GLB1L3: variants seen among roughly 807,000 people sequenced by gnomAD.
GLB1L3 encodes the protein beta-galactosidase-1-like protein 3.
A neutral mutation model predicts 89.5 loss-of-function variants in GLB1L3; 89 were observed. That is an observed-to-expected ratio of 0.99 (90% CI 0.84 to 1.19). The LOEUF (loss-of-function observed/expected upper bound fraction) is 1.19. Among genes scored for constraint, GLB1L3 ranks in the 50% most tolerant of loss-of-function variants. The probability of loss-of-function intolerance (pLI) is 0.00; values close to 1 mark genes in which losing one functional copy is unlikely to be tolerated. For missense variants in GLB1L3, 812 were observed against 813.3 expected (o/e 1.00, Z 0.02); for synonymous variants, 314 against 312.3 (o/e 1.01, Z -0.06).
rs552106066 is a variant in GLB1L3 at position 134,304,819 on chromosome 11, T to G, written c.877-2305T>G. On this transcript the variant is annotated intron_variant, in intron 9 of 19. Transcript: ENST00000431683. Reference sequence around the variant, plus strand: ...CAATTTTGACCTATGCTATAGAAAGTTTTTGGTGTTCCTCCTCTAATTTCT... The same window carrying G: ...CAATTTTGACCTATGCTATAGAAAGGTTTTGGTGTTCCTCCTCTAATTTCT... Among the ~76,000 whole-genome samples the G allele has an allele frequency of 3.9e-5, 6 of 152,262 alleles. No individual in the cohort carries two copies. In the East Asian group the frequency reaches 7.7e-4, roughly 20 times the overall value.
At chr11:134,302,926 T>G (rs545483185) in intron 9 of GLB1L3, among the ~76,000 whole-genome samples, 8 of 152,336 alleles carry the variant, frequency 5.3e-5, no homozygotes, top group African/African-American at 1.9e-4. Flanking sequence ...TGTGTTAATA[T>G]TTCTATCATA....
chr11:134,277,709 G>A lies in GLB1L3; in HGVS notation c.159G>A (p.Trp53Ter), dbSNP rs77052999. 3.1e-6 allele frequency: 5 copies of A among 1,608,342 alleles called. No homozygotes were observed. In the South Asian group the frequency reaches 4.4e-5, roughly 14 times the overall value. The part of the protein sequence containing the change: ...RAHPSQPRFN[W>*]SHLTPLELKN... ...CGCCCGCCCCCTCCAGGTTTAATTG[G>A]TCTCATCTGACCCCTCTGGAGCTGA... Residue 53 changes from tryptophan (W) to a stop codon, truncating the protein, a stop_gained, in exon 3 of 20, where the codon TGG (tryptophan) becomes TGA (stop). Transcript: ENST00000431683. LOFTEE classifies it high-confidence loss of function.
chr11:134,307,053 T>G, intron 9 of GLB1L3, 71 bp from the exon 10 acceptor site: 1 of 1,043,776 alleles, frequency 9.6e-7, no homozygotes, highest in East Asian at 2.5e-5. Flanking sequence ...TCCCATCTAT[T>G]GCATTCAGGT....
intron 8 of GLB1L3, 160 bp downstream of exon 8, chr11:134,292,373 A>C: frequency 3.4e-6 from 2 of 590,672 alleles, no homozygotes; most frequent in Non-Finnish European, 6.1e-6. Context: ...ATGAGGACTC[A>C]AGGTTAAGGC....
chr11:134,282,579 G>T (rs1051398855), intron 5 of GLB1L3, among the ~76,000 whole-genome samples: 2 of 152,176 alleles, frequency 1.3e-5, no homozygotes, highest in African/African-American at 4.8e-5. Flanking sequence ...ATTTTGTGAG[G>T]GGAAGGCTTG....
chr11:134,317,315 C>T (rs151197374), intron 18 of GLB1L3, among the ~76,000 whole-genome samples: 6 of 152,224 alleles, frequency 3.9e-5, no homozygotes, highest in Admixed American at 2.0e-4. Flanking sequence ...TTAAATATAT[C>T]GGTCCATTCC....
At chr11:134,297,876 A>AAAAAAAAAAAAAAAG (rs1555077361) in intron 9 of GLB1L3, among the ~76,000 whole-genome samples, 1 of 110,836 alleles carries the variant, frequency 9.0e-6, no homozygotes, top group Non-Finnish European at 1.7e-5. Flanking sequence ...AAAAAAAAAA[A>AAAAAAAAAAAAAAAG]AAAGAAAGAA....
At position 134,318,422 on chromosome 11, in the gene GLB1L3, G is replaced by C. The variant is rs369858261; in HGVS notation, c.1780-209G>C. Among the ~76,000 whole-genome samples, 19 of 152,314 alleles carry C rather than the reference G, an allele frequency of 1.2e-4. 1 individual carries two copies. The East Asian group carries it at 3.5e-3, about 28-fold the overall frequency. ...ATATCACATAACAGGAACAATAGCAGCCTTACCATTAAAGGGTTGGTTCTA... is the reference window on the plus strand; with the variant it reads ...ATATCACATAACAGGAACAATAGCACCCTTACCATTAAAGGGTTGGTTCTA... On this transcript the variant is annotated intron_variant, in intron 18 of 19. Coordinates refer to ENST00000431683, the MANE Select transcript of GLB1L3 (RefSeq NM_001080407.3).
chr11:134,277,197 G>C (rs992517953), intron 1 of GLB1L3, 129 bp from the exon 2 acceptor site: 1 of 1,199,812 alleles, frequency 8.3e-7, no homozygotes, highest in Non-Finnish European at 1.2e-6. Context: ...CCGCCTGGAA[G>C]ACCCGCCTGT....
At chr11:134,295,933 T>A (rs536034265) in intron 9 of GLB1L3, among the ~76,000 whole-genome samples, 13 of 152,344 alleles carry the variant, frequency 8.5e-5, no homozygotes, top group Non-Finnish European at 1.5e-4. Flanking sequence ...GCTAGTATTC[T>A]GTGATTGATT....
At chr11:134,291,003 A>G (rs1210193648) in intron 7 of GLB1L3, among the ~76,000 whole-genome samples, 1 of 152,106 alleles carries the variant, frequency 6.6e-6, no homozygotes, top group East Asian at 1.9e-4. Flanking sequence ...ATTCCCCACA[A>G]AAGTCACCAG....
rs557506680 is a variant in GLB1L3 at position 134,312,463 on chromosome 11, C to T, written c.1402C>T (p.Arg468Cys). 105 of 1,613,044 alleles carry T rather than the reference C, an allele frequency of 6.5e-5. No individual in the cohort carries two copies. Among genetic ancestry groups the T allele is most frequent in the East Asian group, 6.2e-4 (28 of 44,880 alleles). ...GTCCATCTGCTCCGGAGGCCGCCTC[C>T]GTGCCCACGCTCATGACGTGGCACA... is the stretch of plus-strand genomic sequence containing the variant. ...EKSICSGGRL[R>C]AHAHDVAQVF... The change falls in exon 14 of 20, where the codon CGT becomes TGT. Residue 468 changes from arginine to cysteine, a missense_variant. Physicochemically the swap from Arg to Cys is radical, Grantham distance 180. Coordinates refer to ENST00000431683, the MANE Select transcript of GLB1L3 (RefSeq NM_001080407.3).
intron 18 of GLB1L3, 109 bp downstream of exon 18, chr11:134,314,550 C>T (rs1204483225): frequency 1.4e-6 from 1 of 728,180 alleles, no homozygotes; most frequent in East Asian, 2.7e-5. Flanking sequence ...TCTTCTTTTC[C>T]TCTTCTTCCT....
intron 7 of GLB1L3, 88 bp from the exon 8 acceptor site, chr11:134,292,044 G>A: frequency 1.2e-6 from 1 of 863,266 alleles, no homozygotes; most frequent in Non-Finnish European, 1.9e-6. Context: ...CATGGATGCA[G>A]AACCCATGAA....
chr11:134,314,212 G>T, intron 17 of GLB1L3, 118 bp from the exon 18 acceptor site: 1 of 753,116 alleles, frequency 1.3e-6, no homozygotes. Context: ...AACGCATCTA[G>T]TCTACTCTAT....
intron 6 of GLB1L3, chr11:134,287,112 G>A (rs1352277036): frequency 2.6e-5 from 4 of 152,134 alleles, no homozygotes; most frequent in African/African-American, 9.7e-5. Context: ...AGGGAGCCAA[G>A]ATGGCGCCAC....
At chr11:134,310,019 C>T (rs1942645417) in intron 11 of GLB1L3, 1 of 510,842 alleles carries the variant, frequency 2.0e-6, no homozygotes, top group Middle Eastern at 5.1e-4. Context: ...TGGCTTGAAC[C>T]TCTGAAGAGA....
chr11:134,308,471 CAAAT>C (rs746277039), intron 10 of GLB1L3, among the ~76,000 whole-genome samples: 108 of 5,860 alleles, frequency 0.018, 3 homozygotes, highest in African/African-American at 0.024. Context: ...CCACCACCAC[CAAAT>C]ACCACCACCA....
chr11:134,308,489 TCACCACCAAATACCAC>T (rs1942486615), intron 10 of GLB1L3, among the ~76,000 whole-genome samples: 3 of 6,102 alleles, frequency 4.9e-4, no homozygotes, highest in African/African-American at 8.6e-4. Context: ...ACCACCACCA[TCACCACCAAATACCAC>T]CACCACCACC....
Sources: gnomAD v4.1 joint callset for allele counts (sites outside exome capture counted in the v4.1 genomes callset) on GRCh38, gnomAD v4.1.1 for gene constraint, MANE v1.5 for transcripts, NCBI Gene and HGNC (gene_info 2026-07-23, HGNC 2026-07-21) for gene names.